The following NAT8L variants were observed in gnomAD, a reference collection of about 807,000 sequenced individuals.
NAT8L encodes N-acetylaspartate synthetase.
In NAT8L, 6 loss-of-function variants were observed where a neutral mutation model predicts 21.2. That is an observed-to-expected ratio of 0.28 (90% CI 0.16 to 0.56). The LOEUF (loss-of-function observed/expected upper bound fraction) is 0.56, where lower values mean the gene tolerates loss of function less well. Ranked by LOEUF, NAT8L falls within the 20% of genes least tolerant of loss-of-function variation. The pLI, the probability that NAT8L is intolerant of heterozygous loss-of-function variation, is 0.93. For missense variants in NAT8L, 331 were observed against 433.3 expected, an observed-to-expected ratio of 0.76 and a Z score of 2.10; for synonymous variants, 239 against 204.9, an observed-to-expected ratio of 1.17 and a Z score of -1.42.
Position 2,063,852 on chromosome 4 carries a change from C to T in NAT8L, c.634C>T (p.Arg212Trp). ...GGAGGACAACACGGTGGAGCTGCTG[C>T]GGATGTCTGTGGACTCACGTTTCCG... ...HEEDNTVELLRMSVDSRFRGK... is the reference protein window; with the variant it reads ...HEEDNTVELLWMSVDSRFRGK... The change falls in exon 3 of 3, where the codon CGG becomes TGG. Residue 212 changes from arginine to tryptophan, a missense_variant. Arg to Trp is a moderately radical substitution (Grantham distance 101). This residue lies in a region of NAT8L where 132 missense variants were observed against 237.1 expected (regional missense o/e 0.56). Coordinates refer to ENST00000423729, the MANE Select transcript of NAT8L (RefSeq NM_178557.4). 4 of 1,612,378 alleles carry T rather than the reference C, an allele frequency of 2.5e-6. No homozygotes were observed. The highest frequency in any genetic ancestry group is 3.4e-6 in the Non-Finnish European group (4 of 1,179,944).
chr4:2,061,029 G>A lies in NAT8L; in HGVS notation c.408G>A (p.Leu136=), dbSNP rs989469889. ...ALCFAVSRSL[L]LTCLVPAALL... ...GCTTCGCCGTGAGCCGCTCGCTGCT[G>A]CTGACGTGCCTGGTGCCGGCCGCGC... Residue 136 remains leucine (L), a synonymous_variant, in exon 2 of 3, where the codon CTG becomes CTA. Coordinates refer to ENST00000423729, the MANE Select transcript of NAT8L (RefSeq NM_178557.4). The A allele has an allele frequency of 1.8e-5, 29 of 1,578,350 alleles. No homozygotes were observed. The highest frequency in any genetic ancestry group is 1.7e-4 in the Middle Eastern group (1 of 5,942).
At position 2,064,222 on chromosome 4, in the gene NAT8L, G is replaced by A; in HGVS notation, c.*95G>A. ...GCGGCCTGCTTTCAGACGCTCAATT[G>A]GCGTTTGTGTTGGGTTTCCCCTTTT... On this transcript the variant is annotated 3_prime_UTR_variant, in exon 3 of 3. Coordinates refer to ENST00000423729, the MANE Select transcript of NAT8L (RefSeq NM_178557.4). The A allele has an allele frequency of 1.2e-6, 1 of 859,666 alleles. No individual in the cohort carries two copies. Among genetic ancestry groups the A allele is most frequent in the South Asian group, 4.1e-5 (1 of 24,590 alleles). The allele number at this position is 859,666 out of a possible 1,614,324, so 53.3% of individuals were successfully genotyped here. A position where few individuals can be genotyped will look rare whatever the true frequency, so the allele number is the denominator to read the frequency against.
chr4:2,059,716 G>T lies in NAT8L; in HGVS notation c.205G>T (p.Gly69Cys). The T allele has an allele frequency of 8.9e-7, 1 of 1,121,356 alleles. No individual in the cohort carries two copies. The highest frequency in any genetic ancestry group is 1.1e-6 in the Non-Finnish European group (1 of 920,192). The allele number at this position is 1,121,356 out of a possible 1,614,324, so 69.5% of individuals were successfully genotyped here. ...PVAQPHGGAG[G>C]AGPPGGRGVC... ...GGCTCAGCCTCACGGCGGGGCGGGG[G>T]GCGCGGGGCCGCCGGGGGGGCGCGG... Residue 69 changes from glycine to cysteine, a missense_variant, in exon 1 of 3, where the codon GGC becomes TGC. Transcript: ENST00000423729. This position sits in a 1 kb window ranked among gnomAD's most constrained non-coding sequence, Gnocchi z 4.8.
At position 2,061,038 on chromosome 4, in the gene NAT8L, C is replaced by T. The variant is rs1221044053; in HGVS notation, c.417C>T (p.Cys139=). 2.5e-6 allele frequency: 4 copies of T among 1,586,400 alleles called. No homozygotes were observed. The South Asian group carries it at 4.6e-5, about 18-fold the overall frequency. ...TGAGCCGCTCGCTGCTGCTGACGTG[C>T]CTGGTGCCGGCCGCGCTGCTGGGCC... ...FAVSRSLLLT[C]LVPAALLGLR... The change falls in exon 2 of 3, where the codon TGC becomes TGT. Residue 139 remains cysteine, a synonymous_variant. Coordinates refer to ENST00000423729, the MANE Select transcript of NAT8L (RefSeq NM_178557.4).
In NAT8L at chr4:2,060,632, C is replaced by T. The variant is rs904903539; in HGVS notation, c.377-366C>T. 6.6e-6 allele frequency among the ~76,000 whole-genome samples: 1 copy of T among 151,742 alleles called. No homozygotes were observed. Among genetic ancestry groups the T allele is most frequent in the South Asian group, 2.1e-4 (1 of 4,822 alleles). ...GTGGGACACCCCCCTTCCTCCTCCC[C>T]CCTCCCCCCTCCCCCGCGCGGGGCC... On this transcript the variant is annotated intron_variant, in intron 1 of 2. Coordinates refer to ENST00000423729, the MANE Select transcript of NAT8L (RefSeq NM_178557.4). The surrounding 1 kb of genome is among the most constrained non-coding windows in gnomAD (Gnocchi z 4.7).
At position 2,067,802 on chromosome 4, in the gene NAT8L, C is replaced by T. The variant is rs563230983; in HGVS notation, c.*3675C>T. 9.2e-5 allele frequency: 14 copies of T among 152,406 alleles called. No individual in the cohort carries two copies. The highest frequency in any genetic ancestry group is 2.4e-4 in the African/African-American group (10 of 41,590). The allele number at this position is 152,406 out of a possible 1,614,324, so 9.4% of individuals were successfully genotyped here. A position where few individuals can be genotyped will look rare whatever the true frequency, so the allele number is the denominator to read the frequency against. Reference sequence around the variant, plus strand: ...ATCCCCCGTGGGCTGGCGCTGCAGTCGCGCACCCTGTGTTGCCTGCTGACT... The same window carrying T: ...ATCCCCCGTGGGCTGGCGCTGCAGTTGCGCACCCTGTGTTGCCTGCTGACT... On this transcript the variant is annotated 3_prime_UTR_variant, in exon 3 of 3. Transcript: ENST00000423729.
At chr4:2,062,064 GA>G (rs1387786347) in intron 2 of NAT8L, among the ~76,000 whole-genome samples, 1 of 152,190 alleles carries the variant, frequency 6.6e-6, no homozygotes, top group Admixed American at 6.5e-5. Flanking sequence ...CTTGGGAGGG[GA>G]AACGGGCCAT....
Position 2,065,218 on chromosome 4 carries a change from C to A in NAT8L, c.*1091C>A, listed in dbSNP as rs1447122477. 1 of 152,318 alleles carries A rather than the reference C, an allele frequency of 6.6e-6. No homozygotes were observed. Among genetic ancestry groups the A allele is most frequent in the Admixed American group, 6.5e-5 (1 of 15,274 alleles). The allele number at this position is 152,318 out of a possible 1,614,324, so 9.4% of individuals were successfully genotyped here. A position where few individuals can be genotyped will look rare whatever the true frequency, so the allele number is the denominator to read the frequency against. Reference sequence around the variant, plus strand: ...GCTGTTGGAAACCTGGAGGGAAACCCTGATTGGATGTCATTTCCTGCCATG... The same window carrying A: ...GCTGTTGGAAACCTGGAGGGAAACCATGATTGGATGTCATTTCCTGCCATG... On this transcript the variant is annotated 3_prime_UTR_variant, in exon 3 of 3. Coordinates refer to ENST00000423729, the MANE Select transcript of NAT8L (RefSeq NM_178557.4).
intron 2 of NAT8L, 51 bp from the exon 3 acceptor site, chr4:2,063,709 G>A (rs753159536): frequency 1.9e-6 from 3 of 1,603,084 alleles, no homozygotes; most frequent in Non-Finnish European, 2.5e-6. Flanking sequence ...AGGTGGAGGG[G>A]TCTCCCCAGC....
At position 2,066,259 on chromosome 4, in the gene NAT8L, G is replaced by GCAT; in HGVS notation, c.*2134_*2136dup. On this transcript the variant is annotated 3_prime_UTR_variant, in exon 3 of 3. Transcript: ENST00000423729. ...AGTGTGGCCTTCTCTCATTCTGGTG[G>GCAT]CATCTGCGCCCGTGAGTGACCTCTT... is the stretch of plus-strand genomic sequence containing the variant. 1 of 152,384 alleles carries GCAT rather than the reference G, an allele frequency of 6.6e-6. No homozygotes were observed. The highest frequency in any genetic ancestry group is 2.4e-5 in the African/African-American group (1 of 41,568). 9.4% of individuals were successfully genotyped at this position (152,384 alleles called of 1,614,324 possible). A position where few individuals can be genotyped will look rare whatever the true frequency, so the allele number is the denominator to read the frequency against.
rs1424767641 is a variant in NAT8L, at chr4:2,065,130, C to T, written c.*1003C>T. On this transcript the variant is annotated 3_prime_UTR_variant, in exon 3 of 3. Coordinates refer to ENST00000423729, the MANE Select transcript of NAT8L (RefSeq NM_178557.4). The stretch of plus-strand genomic sequence containing the variant: ...TCTTGGGACAAAACGGTAGTTTGTA[C>T]CCTAAGACACAGTTTCTGGCCCAGT... The T allele has an allele frequency of 2.0e-5, 3 of 152,520 alleles. No individual in the cohort carries two copies. Among genetic ancestry groups the T allele is most frequent in the Admixed American group, 6.5e-5 (1 of 15,294 alleles). 9.4% of individuals were successfully genotyped at this position (152,520 alleles called of 1,614,324 possible). A position where few individuals can be genotyped will look rare whatever the true frequency, so the allele number is the denominator to read the frequency against.
At position 2,061,170 on chromosome 4, in the gene NAT8L, C is replaced by G; in HGVS notation, c.541+8C>G. 1 of 1,601,186 alleles carries G rather than the reference C, an allele frequency of 6.2e-7. No homozygotes were observed. The highest frequency in any genetic ancestry group is 8.5e-7 in the Non-Finnish European group (1 of 1,174,134). On this transcript the variant is annotated splice_region_variant and intron_variant, in intron 2 of 2. Transcript: ENST00000423729. ...ACTACATGAAGCCGCCCGGTGAGTC[C>G]CGCTCCCGCCGCTCCCCGACCTCCG...
Position 2,059,455 on chromosome 4 carries a change from G to C in NAT8L, c.-57G>C, listed in dbSNP as rs1181561441. On this transcript the variant is annotated 5_prime_UTR_variant, in exon 1 of 3. Coordinates refer to ENST00000423729, the MANE Select transcript of NAT8L (RefSeq NM_178557.4). The surrounding 1 kb of genome is among the most constrained non-coding windows in gnomAD (Gnocchi z 4.8). ...GGCGCCGCGCCCTTGCCCTGGGCCC[G>C]GCCGTGCCCGCCGCCGCCCGGCCGC... The C allele has an allele frequency of 2.3e-6, 2 of 860,764 alleles. No individual in the cohort carries two copies. Among genetic ancestry groups the C allele is most frequent in the African/African-American group, 1.9e-5 (1 of 53,184 alleles). The allele number at this position is 860,764 out of a possible 1,614,324, so 53.3% of individuals were successfully genotyped here.
intron 2 of NAT8L, among the ~76,000 whole-genome samples, chr4:2,062,157 C>T (rs1489750675): frequency 6.6e-6 from 1 of 152,150 alleles, no homozygotes; most frequent in Non-Finnish European, 1.5e-5. Context: ...CCGTGGCCTC[C>T]CTGGTGTGAG....
rs1730019617 is a variant in NAT8L at position 2,067,081 on chromosome 4, G to C, written c.*2954G>C. On this transcript the variant is annotated 3_prime_UTR_variant, in exon 3 of 3. Coordinates refer to ENST00000423729, the MANE Select transcript of NAT8L (RefSeq NM_178557.4). ...CAGGCAGCTGCCACTGCCCAGGTGT[G>C]AGTCGCTGCAGACCTGGTCCCTGAG... 6.6e-6 allele frequency: 1 copy of C among 152,572 alleles called. No individual in the cohort carries two copies. The highest frequency in any genetic ancestry group is 6.5e-5 in the Admixed American group (1 of 15,288). The allele number at this position is 152,572 out of a possible 1,614,324, so 9.5% of individuals were successfully genotyped here.
Position 2,060,986 on chromosome 4 carries a change from C to A in NAT8L, c.377-12C>A, listed in dbSNP as rs776831569. On this transcript the variant is annotated splice_polypyrimidine_tract_variant and intron_variant, in intron 1 of 2. Transcript: ENST00000423729. The surrounding 1 kb of genome is among the most constrained non-coding windows in gnomAD (Gnocchi z 4.7). ...CCCCGCCGCGCCGCTGACCCGCGCCCTCTGCCCCCAGCGCTGTGCTTCGCC... is the reference window on the plus strand; with the variant it reads ...CCCCGCCGCGCCGCTGACCCGCGCCATCTGCCCCCAGCGCTGTGCTTCGCC... 4.0e-6 allele frequency: 6 copies of A among 1,491,772 alleles called. No individual in the cohort carries two copies. The highest frequency in any genetic ancestry group is 5.5e-6 in the Non-Finnish European group (6 of 1,096,952). 92.4% of individuals were successfully genotyped at this position (1,491,772 alleles called of 1,614,324 possible). A position where few individuals can be genotyped will look rare whatever the true frequency, so the allele number is the denominator to read the frequency against.
chr4:2,063,452 G>A (rs992140741), intron 2 of NAT8L, among the ~76,000 whole-genome samples: 3 of 152,264 alleles, frequency 2.0e-5, no homozygotes, highest in Admixed American at 6.5e-5. Flanking sequence ...TCTGAGCAGC[G>A]CAGCCTCCAG....
rs1729816898 is a variant in NAT8L, at chr4:2,059,822, C to A, written c.311C>A (p.Pro104His). The A allele has an allele frequency of 1.4e-6, 2 of 1,394,382 alleles. No individual in the cohort carries two copies. Among genetic ancestry groups the A allele is most frequent in the Non-Finnish European group, 9.4e-7 (1 of 1,064,906 alleles). The allele number at this position is 1,394,382 out of a possible 1,614,324, so 86.4% of individuals were successfully genotyped here. ...IFYDGIMERI[P>H]NTAFRGLRQH... ...TACGACGGCATCATGGAGCGCATCC[C>A]TAACACGGCCTTCCGCGGCCTGCGG... is the stretch of plus-strand genomic sequence containing the variant. The change falls in exon 1 of 3, where the codon CCT (proline) becomes CAT (histidine). Residue 104 changes from proline to histidine, a missense_variant. Pro to His is a moderately conservative substitution (Grantham distance 77, BLOSUM62 -2). Transcript: ENST00000423729. This position sits in a 1 kb window ranked among gnomAD's most constrained non-coding sequence, Gnocchi z 4.8.
rs1729941536 is a variant in NAT8L, at chr4:2,063,975, G to A, written c.757G>A (p.Val253Met). ...AVVLGTTAVK[V>M]AAHKLYESLG... The stretch of plus-strand genomic sequence containing the variant: ...GGTGCTGGGCACGACGGCCGTCAAG[G>A]TGGCCGCCCACAAGCTCTACGAGTC... Residue 253 changes from valine to methionine, a missense_variant, in exon 3 of 3, where the codon GTG (valine) becomes ATG (methionine). By Grantham distance (21) the Val-to-Met change is conservative (BLOSUM62 1). This residue lies in a region of NAT8L where 132 missense variants were observed against 237.1 expected (regional missense o/e 0.56). Coordinates refer to ENST00000423729, the MANE Select transcript of NAT8L (RefSeq NM_178557.4). 2.5e-6 allele frequency: 4 copies of A among 1,611,634 alleles called. No individual in the cohort carries two copies. The Admixed American group carries it at 6.7e-5, about 27-fold the overall frequency.
Sources: gnomAD v4.1 joint callset for allele counts (sites outside exome capture counted in the v4.1 genomes callset) on GRCh38, gnomAD v4.1.1 for gene constraint, gnomAD v4.1.1 regional missense constraint, Gnocchi (gnomAD v3.1) non-coding constraint, MANE v1.5 for transcripts, NCBI Gene and HGNC (gene_info 2026-07-23, HGNC 2026-07-21) for gene names.